Variants in MEF2A observed in about 807,000 individuals in gnomAD.
The protein encoded by MEF2A is myocyte enhancer factor 2A.
Under a neutral mutation model 55.8 loss-of-function variants are expected in MEF2A, and 28 were observed. That is an observed-to-expected ratio of 0.50 (90% CI 0.37 to 0.69). The LOEUF is 0.69. MEF2A is among the 30% of genes least tolerant of loss of function. The pLI is 0.00. For synonymous variants in MEF2A, 239 were observed against 227.1 expected (o/e 1.05, Z -0.47); for missense variants, 528 against 626.2 (o/e 0.84, Z 1.67).
chr15:99,643,638 C>G (rs1456443767), intron 3 of MEF2A, among the ~76,000 whole-genome samples: 1 of 149,674 alleles, frequency 6.7e-6, no homozygotes, highest in Non-Finnish European at 1.5e-5. Flanking sequence ...GTCGCCCAGG[C>G]TGGAGTGCAG....
At chr15:99,658,125 T>C (rs2048047060) in intron 4 of MEF2A, among the ~76,000 whole-genome samples, 1 of 152,156 alleles carries the variant, frequency 6.6e-6, no homozygotes. Context: ...AGCTCTTATA[T>C]ATTTCAGATG....
Position 99,656,533 on chromosome 15 carries a change from C to T in MEF2A, c.258+10769C>T, listed in dbSNP as rs1267164482. Among the ~76,000 whole-genome samples the T allele has an allele frequency of 2.6e-5, 4 of 152,158 alleles. No homozygotes were observed. In the East Asian group the frequency reaches 7.7e-4, roughly 29 times the overall value. ...TACTTGAATAGAAATGCTGGCAGCACTTGAATTAGGATGGGCTAGTGCATC... is the reference window on the plus strand; with the variant it reads ...TACTTGAATAGAAATGCTGGCAGCATTTGAATTAGGATGGGCTAGTGCATC... On this transcript the variant is annotated intron_variant, in intron 4 of 11. Transcript: ENST00000557942.
chr15:99,670,798 A>G (rs545928073), intron 4 of MEF2A, among the ~76,000 whole-genome samples: 2 of 152,342 alleles, frequency 1.3e-5, no homozygotes, highest in African/African-American at 4.8e-5. Flanking sequence ...GTTGTATTTC[A>G]AAGTTATACA....
At chr15:99,615,018 G>A (rs1321945478) in intron 2 of MEF2A, among the ~76,000 whole-genome samples, 3 of 152,182 alleles carry the variant, frequency 2.0e-5, no homozygotes, top group Non-Finnish European at 4.4e-5. Flanking sequence ...ACGTTAAAAG[G>A]TTGCTGTAAT....
intron 11 of MEF2A, among the ~76,000 whole-genome samples, chr15:99,711,319 A>C (rs1388541765): frequency 1.3e-5 from 2 of 152,218 alleles, no homozygotes; most frequent in Admixed American, 6.5e-5. Context: ...CAGGCTCCAT[A>C]GGATTTGTGT....
intron 3 of MEF2A, among the ~76,000 whole-genome samples, chr15:99,635,880 C>G (rs1259902140): frequency 6.6e-6 from 1 of 152,068 alleles, no homozygotes; most frequent in Non-Finnish European, 1.5e-5. Flanking sequence ...ATTATGAAGA[C>G]TGTAATTTTG....
At chr15:99,702,303 A>G (rs769325270) in intron 8 of MEF2A, among the ~76,000 whole-genome samples, 48 of 152,204 alleles carry the variant, frequency 3.2e-4, no homozygotes, top group South Asian at 1.0e-3. Flanking sequence ...GGCACTTACA[A>G]TGACACTTTT....
At chr15:99,665,114 T>A (rs980194938) in intron 4 of MEF2A, among the ~76,000 whole-genome samples, 11 of 152,222 alleles carry the variant, frequency 7.2e-5, no homozygotes, top group African/African-American at 2.7e-4. Flanking sequence ...AAGTTTTCTA[T>A]AAGTTAACTA....
chr15:99,590,775 T>C, intron 1 of MEF2A, among the ~76,000 whole-genome samples: 1 of 152,034 alleles, frequency 6.6e-6, no homozygotes, highest in South Asian at 2.1e-4. Context: ...TTCCTTCCCT[T>C]CATTCTTTTT....
chr15:99,690,866 A>G (rs1286951293), intron 8 of MEF2A, among the ~76,000 whole-genome samples: 1 of 152,196 alleles, frequency 6.6e-6, no homozygotes, highest in East Asian at 1.9e-4. Context: ...TAGATACAAT[A>G]AATATACCCC....
chr15:99,594,459 CTTTTTTTTTTTT>C lies in MEF2A; in HGVS notation c.-224-3961_-224-3950del, dbSNP rs67846200. Among the ~76,000 whole-genome samples, 12 of 124,362 alleles carry C rather than the reference CTTTTTTTTTTTT, an allele frequency of 9.6e-5. No homozygotes were observed. In the East Asian group the frequency reaches 1.8e-3, roughly 19 times the overall value. 81.6% of individuals were successfully genotyped at this position (124,362 alleles called of 152,430 possible). Reference sequence around the variant, plus strand: ...GCACTCCAAACCCTGTCCTTTCTTTCTTTTTTTTTTTTTTTTTTTTTGAAGGGTTTGTTACCT... The same window carrying C: ...GCACTCCAAACCCTGTCCTTTCTTTCTTTTTTTTTGAAGGGTTTGTTACCT... On this transcript the variant is annotated intron_variant, in intron 1 of 11. Coordinates refer to ENST00000557942, the MANE Select transcript of MEF2A (RefSeq NM_001319206.4).
intron 1 of MEF2A, among the ~76,000 whole-genome samples, chr15:99,595,785 AAG>A (rs1970961236): frequency 6.6e-6 from 1 of 152,220 alleles, no homozygotes; most frequent in Non-Finnish European, 1.5e-5. Flanking sequence ...TGATCTATAT[AAG>A]AGACACAGGG....
intron 4 of MEF2A, among the ~76,000 whole-genome samples, chr15:99,669,765 C>G (rs1320207862): frequency 6.6e-6 from 1 of 152,104 alleles, no homozygotes. Context: ...TCTTAATGTA[C>G]TGTGCTTATG....
intron 1 of MEF2A, among the ~76,000 whole-genome samples, chr15:99,575,337 T>C (rs1329940340): frequency 6.6e-6 from 1 of 152,140 alleles, no homozygotes; most frequent in Non-Finnish European, 1.5e-5. Context: ...TCTGAAACAG[T>C]TCTTCAGCCT....
chr15:99,671,750 C>T, intron 5 of MEF2A: 2 of 1,275,532 alleles, frequency 1.6e-6, no homozygotes, highest in Non-Finnish European at 2.1e-6. Flanking sequence ...GTGATGACAA[C>T]AATAAGTAGA....
chr15:99,698,512 G>A (rs530708976), intron 8 of MEF2A, among the ~76,000 whole-genome samples: 1 of 152,262 alleles, frequency 6.6e-6, no homozygotes, highest in African/African-American at 2.4e-5. Context: ...AAACGCAACG[G>A]CTGGGCGCGG....
rs1260788423 is a variant in MEF2A at position 99,588,617 on chromosome 15, A to AT, written c.-224-9806dup. 2.7e-5 allele frequency among the ~76,000 whole-genome samples: 4 copies of AT among 146,570 alleles called. No homozygotes were observed. In the South Asian group the frequency reaches 6.6e-4, roughly 24 times the overall value. The stretch of plus-strand genomic sequence containing the variant: ...CACTGCACCTGGCCTTAATTTTTGT[A>AT]TTTTTTTGTAGAGATGGGGTTTCTC... On this transcript the variant is annotated intron_variant, in intron 1 of 11. Coordinates refer to ENST00000557942, the MANE Select transcript of MEF2A (RefSeq NM_001319206.4).
At chr15:99,585,731 G>A (rs1035811376) in intron 1 of MEF2A, among the ~76,000 whole-genome samples, 2 of 152,142 alleles carry the variant, frequency 1.3e-5, no homozygotes, top group African/African-American at 4.8e-5. Context: ...AACTTACGAG[G>A]TATAGATATT....
intron 2 of MEF2A, among the ~76,000 whole-genome samples, chr15:99,601,003 G>A (rs562246745): frequency 1.3e-5 from 2 of 152,240 alleles, no homozygotes; most frequent in East Asian, 3.9e-4. Flanking sequence ...GACCTCTTAA[G>A]GATATTGAAT....
Sources: allele counts gnomAD v4.1 joint callset (sites outside exome capture counted in the v4.1 genomes callset), GRCh38; gene constraint gnomAD v4.1.1; transcripts MANE v1.5; gene names NCBI Gene and HGNC (gene_info 2026-07-23, HGNC 2026-07-21).